Variants in CLCC1 observed in about 807,000 individuals in gnomAD.
CLCC1 encodes the protein chloride channel CLIC like 1.
A neutral mutation model predicts 63.3 loss-of-function variants in CLCC1; 39 were observed. That is an observed-to-expected ratio of 0.62 (90% CI 0.48 to 0.81). The LOEUF (loss-of-function observed/expected upper bound fraction) is 0.81. CLCC1 is among the 30% of genes least tolerant of loss of function. The probability of loss-of-function intolerance (pLI) is 0.00; values close to 1 mark genes in which losing one functional copy is unlikely to be tolerated. For synonymous variants in CLCC1, 217 were observed against 239.8 expected, an observed-to-expected ratio of 0.90 and a Z score of 0.88; for missense variants, 549 against 669.4, an observed-to-expected ratio of 0.82 and a Z score of 1.98.
intron 2 of CLCC1, among the ~76,000 whole-genome samples, chr1:108,956,993 G>C (rs1027127133): frequency 3.3e-5 from 5 of 150,718 alleles, no homozygotes; most frequent in Non-Finnish European, 7.4e-5. Flanking sequence ...ATAGGGGCGT[G>C]ATAGAATCTG....
Position 108,950,371 on chromosome 1 carries a change from A to C in CLCC1, c.67T>G (p.Trp23Gly). 1 of 1,613,380 alleles carries C rather than the reference A, an allele frequency of 6.2e-7. No individual in the cohort carries two copies. Residue 23 changes from tryptophan to glycine, a missense_variant, in exon 3 of 13, where the codon TGG becomes GGG. Coordinates refer to ENST00000369969, the MANE Select transcript of CLCC1 (RefSeq NM_001377458.1). ...TTAAGCATGTCTGTGGGGTCAATCCAGTCATCATCATGAGCATAACCAGCT... is the reference window on the plus strand; with the variant it reads ...TTAAGCATGTCTGTGGGGTCAATCCCGTCATCATCATGAGCATAACCAGCT... Reference protein sequence around the residue: ...LVAGYAHDDDWIDPTDMLNYD... With the variant: ...LVAGYAHDDDGIDPTDMLNYD...
At chr1:108,960,900 C>CT (rs1656543445) in intron 2 of CLCC1, among the ~76,000 whole-genome samples, 1 of 151,960 alleles carries the variant, frequency 6.6e-6, no homozygotes, top group South Asian at 2.1e-4. Flanking sequence ...GTTGCCCAGG[C>CT]TAGTCCCGAA....
At chr1:108,952,677 G>A (rs896856280) in intron 2 of CLCC1, among the ~76,000 whole-genome samples, 2 of 151,930 alleles carry the variant, frequency 1.3e-5, no homozygotes, top group African/African-American at 4.8e-5. Context: ...GTGTGTGCCT[G>A]TAATCCCAGC....
chr1:108,951,857 C>T (rs1655222213), intron 2 of CLCC1, among the ~76,000 whole-genome samples: 3 of 150,322 alleles, frequency 2.0e-5, no homozygotes, highest in African/African-American at 7.4e-5. Context: ...GCAGACTCAA[C>T]CTCCCAGACT....
chr1:108,938,102 C>T (rs1317225941), intron 10 of CLCC1, among the ~76,000 whole-genome samples: 10 of 152,154 alleles, frequency 6.6e-5, no homozygotes, highest in Non-Finnish European at 1.2e-4. Flanking sequence ...CTTGCGTGTA[C>T]AGTACTCGTA....
chr1:108,947,858 A>C, intron 4 of CLCC1, 140 bp from the exon 5 acceptor site: 1 of 601,146 alleles, frequency 1.7e-6, no homozygotes, highest in Non-Finnish European at 2.9e-6. Flanking sequence ...GCTATAATAC[A>C]TTACAGTGCA....
intron 1 of CLCC1, among the ~76,000 whole-genome samples, chr1:108,962,737 G>T (rs1305202542): frequency 6.6e-6 from 1 of 152,104 alleles, no homozygotes. Flanking sequence ...CGGGCCTGGT[G>T]GCGCGCACCT....
intron 2 of CLCC1, among the ~76,000 whole-genome samples, chr1:108,956,838 A>G (rs2101714854): frequency 8.0e-6 from 1 of 125,558 alleles, no homozygotes; most frequent in African/African-American, 3.2e-5. Context: ...CAAGGAACAG[A>G]AAGGAGGCCA....
chr1:108,941,803 G>C (rs12759407), intron 7 of CLCC1, among the ~76,000 whole-genome samples: 10,940 of 151,998 alleles, frequency 0.072, 537 homozygotes, highest in Non-Finnish European at 0.1. Flanking sequence ...AAAGGTGCCC[G>C]CTACCACGCC....
intron 10 of CLCC1, among the ~76,000 whole-genome samples, chr1:108,938,650 A>C (rs951974568): frequency 6.6e-6 from 1 of 152,172 alleles, no homozygotes; most frequent in African/African-American, 2.4e-5. Flanking sequence ...ATTTCTTCTT[A>C]ATGTCTGCTC....
In CLCC1 at chr1:108,949,893, T is replaced by A. The variant is rs754101858; in HGVS notation, c.158A>T (p.Asp53Val). 6.9e-6 allele frequency: 11 copies of A among 1,601,408 alleles called. No homozygotes were observed. Among genetic ancestry groups the A allele is most frequent in the Non-Finnish European group, 9.4e-6 (11 of 1,175,658 alleles). The change falls in exon 4 of 13, where the codon GAT (aspartate) becomes GTT (valine). Residue 53 changes from aspartate to valine, a missense_variant. Asp to Val is a radical substitution (Grantham distance 152). Transcript: ENST00000369969. ...AGCACATGACAAGTCAGGACTGACA[T>A]CCTTTTCCCCTGAAATACCATATTT... The part of the protein sequence containing the change: ...QAKYGISGEK[D>V]VSPDLSCADE...
intron 10 of CLCC1, 49 bp from the exon 11 acceptor site, chr1:108,937,467 C>CA (rs747041332): frequency 6.4e-5 from 91 of 1,430,756 alleles, no homozygotes; most frequent in Middle Eastern, 1.8e-4. Flanking sequence ...GGCTAACTTA[C>CA]AAAAGTTATG....
rs749829340 is a variant in CLCC1, at chr1:108,941,411, T to A, written c.790A>T (p.Ile264Phe). 1 of 1,613,866 alleles carries A rather than the reference T, an allele frequency of 6.2e-7. No homozygotes were observed. The highest frequency in any genetic ancestry group is 1.7e-5 in the Admixed American group (1 of 59,986). The change falls in exon 8 of 13, where the codon ATC becomes TTC. Residue 264 changes from isoleucine (I) to phenylalanine (F), a missense_variant. Coordinates refer to ENST00000369969, the MANE Select transcript of CLCC1 (RefSeq NM_001377458.1). ...CAKKMDWTGS[I>F]WEWFRSSWTY... ...AAGTGCACAAACACCTTACCCCAGATACTTCCAGTCCAGTCCATCTTTTTG... is the reference window on the plus strand; with the variant it reads ...AAGTGCACAAACACCTTACCCCAGAAACTTCCAGTCCAGTCCATCTTTTTG...
chr1:108,941,811 G>A (rs1318105998), intron 7 of CLCC1, among the ~76,000 whole-genome samples: 3 of 151,986 alleles, frequency 2.0e-5, no homozygotes, highest in South Asian at 4.2e-4. Context: ...CCGCTACCAC[G>A]CCCAGCTAAT....
Position 108,938,008 on chromosome 1 carries a change from C to A in CLCC1, c.1042-590G>T, listed in dbSNP as rs545909181. 2.0e-5 allele frequency among the ~76,000 whole-genome samples: 3 copies of A among 152,230 alleles called. No individual in the cohort carries two copies. In the South Asian group the frequency reaches 6.2e-4, roughly 32 times the overall value. On this transcript the variant is annotated intron_variant, in intron 10 of 12. Transcript: ENST00000369969. ...ATAATACAAAGACATTATTATTTGTCTTTTTCACTGTCCCCTCCTGAATAT... is the reference window on the plus strand; with the variant it reads ...ATAATACAAAGACATTATTATTTGTATTTTTCACTGTCCCCTCCTGAATAT...
At chr1:108,963,101 G>A (rs1409458421) in intron 1 of CLCC1, among the ~76,000 whole-genome samples, 2 of 152,216 alleles carry the variant, frequency 1.3e-5, no homozygotes, top group African/African-American at 2.4e-5. Flanking sequence ...TGCCTTCTCC[G>A]TAGGCCGCTC....
intron 2 of CLCC1, among the ~76,000 whole-genome samples, chr1:108,952,323 C>T (rs1172667740): frequency 6.6e-6 from 1 of 152,152 alleles, no homozygotes; most frequent in East Asian, 1.9e-4. Context: ...GAATTACAGG[C>T]ATGGGCCACC....
chr1:108,947,109 A>G (rs779060042), intron 5 of CLCC1, among the ~76,000 whole-genome samples: 1 of 152,142 alleles, frequency 6.6e-6, no homozygotes, highest in Non-Finnish European at 1.5e-5. Flanking sequence ...GGTTGTAGTG[A>G]GCCAAGATTG....
intron 2 of CLCC1, among the ~76,000 whole-genome samples, chr1:108,956,149 C>T (rs919990598): frequency 2.0e-5 from 3 of 151,398 alleles, no homozygotes; most frequent in Non-Finnish European, 2.9e-5. Flanking sequence ...CCAAGTCACA[C>T]GAAGAGGCTG....
Sources: gnomAD v4.1 joint callset for allele counts (sites outside exome capture counted in the v4.1 genomes callset) on GRCh38, gnomAD v4.1.1 for gene constraint, MANE v1.5 for transcripts, NCBI Gene and HGNC (gene_info 2026-07-23, HGNC 2026-07-21) for gene names.